Variants in OSBPL10 observed in about 807,000 individuals in gnomAD.
The protein encoded by OSBPL10 is oxysterol binding protein like 10.
Under a neutral mutation model 81.7 loss-of-function variants are expected in OSBPL10, and 49 were observed. That is an observed-to-expected ratio of 0.60 (90% confidence interval 0.48 to 0.76). The LOEUF is 0.76. Ranked by LOEUF, OSBPL10 falls within the 30% of genes least tolerant of loss-of-function variation. The pLI is 0.00. For synonymous variants in OSBPL10, 419 were observed against 383.6 expected (o/e 1.09, Z -1.08); for missense variants, 923 against 987.8 (o/e 0.93, Z 0.88).
chr3:31,872,625 T>C (rs1282344746), intron 3 of OSBPL10, among the ~76,000 whole-genome samples: 1 of 148,876 alleles, frequency 6.7e-6, no homozygotes, highest in Non-Finnish European at 1.5e-5. Context: ...TCAAAAGCTT[T>C]TTTTTTTTTT....
At chr3:31,994,941 ATATTGGT>A (rs1324088113) in intron 2 of OSBPL10, among the ~76,000 whole-genome samples, 3 of 152,206 alleles carry the variant, frequency 2.0e-5, no homozygotes, top group Admixed American at 2.0e-4. Context: ...GTGACATCAC[ATATTGGT>A]AGGACCATGA....
intron 2 of OSBPL10, among the ~76,000 whole-genome samples, chr3:32,000,505 C>T (rs1699134576): frequency 6.6e-6 from 1 of 152,236 alleles, no homozygotes; most frequent in Non-Finnish European, 1.5e-5. Flanking sequence ...GGCCAGCATG[C>T]TGACTCCCAT....
intron 1 of OSBPL10, among the ~76,000 whole-genome samples, chr3:31,935,044 C>A (rs770327048): frequency 2.6e-5 from 4 of 152,120 alleles, no homozygotes; most frequent in African/African-American, 9.7e-5. Flanking sequence ...ATTGCTACAT[C>A]CCCTTCATAC....
At chr3:31,994,647 G>A (rs1346617670) in intron 2 of OSBPL10, among the ~76,000 whole-genome samples, 1 of 152,168 alleles carries the variant, frequency 6.6e-6, no homozygotes, top group Non-Finnish European at 1.5e-5. Context: ...TGACAGTAAT[G>A]TGAGCATTTG....
At chr3:32,001,643 G>A (rs982805083) in intron 2 of OSBPL10, among the ~76,000 whole-genome samples, 1 of 151,968 alleles carries the variant, frequency 6.6e-6, no homozygotes, top group African/African-American at 2.4e-5. Flanking sequence ...AGCAGGAACT[G>A]TTACCATCAG....
chr3:31,894,337 C>A (rs1017694992), intron 1 of OSBPL10, among the ~76,000 whole-genome samples: 4 of 151,998 alleles, frequency 2.6e-5, no homozygotes, highest in Non-Finnish European at 4.4e-5. Context: ...GGCCTGGGAC[C>A]AAGACTTGAG....
At chr3:31,894,199 AGG>A (rs1695989655) in intron 1 of OSBPL10, among the ~76,000 whole-genome samples, 1 of 152,202 alleles carries the variant, frequency 6.6e-6, no homozygotes, top group African/African-American at 2.4e-5. Flanking sequence ...TCTGGAGCCC[AGG>A]AGCGGTCGGA....
In OSBPL10 at chr3:32,063,687, C is replaced by T. The variant is rs1484590344; in HGVS notation, n.185+13709G>A. ...GGTGATTGGATCATGGGGGCAGTTT[C>T]CCCCATGCTGTTTTCATGATAGGGA... is the stretch of plus-strand genomic sequence containing the variant. On this transcript the variant is annotated intron_variant and non_coding_transcript_variant, in intron 1 of 3. Coordinates refer to the OSBPL10 transcript ENST00000479173. Among the ~76,000 whole-genome samples, 2 of 90,992 alleles carry T rather than the reference C, an allele frequency of 2.2e-5. 1 individual carries two copies. Among genetic ancestry groups the T allele is most frequent in the Non-Finnish European group, 5.9e-5 (2 of 34,034 alleles). The allele number at this position is 90,992 out of a possible 152,430, so 59.7% of individuals were successfully genotyped here.
chr3:31,799,379 T>TAAAA (rs61157535), intron 4 of OSBPL10, among the ~76,000 whole-genome samples: 759 of 56,226 alleles, frequency 0.013, 31 homozygotes, highest in African/African-American at 0.043. Flanking sequence ...CCTATCTCTT[T>TAAAA]AAAAAAAAAA....
At chr3:31,826,337 A>G (rs977567916) in intron 4 of OSBPL10, among the ~76,000 whole-genome samples, 2 of 152,232 alleles carry the variant, frequency 1.3e-5, no homozygotes, top group African/African-American at 4.8e-5. Context: ...GCTAGAGAGA[A>G]TATGTCTGTT....
chr3:31,986,831 T>A (rs920616131), intron 2 of OSBPL10, among the ~76,000 whole-genome samples: 6 of 151,748 alleles, frequency 4.0e-5, no homozygotes, highest in African/African-American at 1.5e-4. Context: ...CTGGAGAGAC[T>A]CCATCTCCAA....
Position 31,831,233 on chromosome 3 carries a change from C to G in OSBPL10, c.538-1002G>C, listed in dbSNP as rs550164638. ...ACCAGCCTGACCAACATGGAGAAAC[C>G]CCATCTCTACTAAAAGTACAAAATT... is the stretch of plus-strand genomic sequence containing the variant. On this transcript the variant is annotated intron_variant, in intron 3 of 11. Coordinates refer to ENST00000396556, the MANE Select transcript of OSBPL10 (RefSeq NM_017784.5). Among the ~76,000 whole-genome samples, 14 of 151,986 alleles carry G rather than the reference C, an allele frequency of 9.2e-5. No homozygotes were observed. The East Asian group carries it at 1.5e-3, about 17-fold the overall frequency.
rs1253278547 is a variant in OSBPL10 at position 31,925,016 on chromosome 3, T to C, written c.282-45186A>G. Among the ~76,000 whole-genome samples the C allele has an allele frequency of 3.9e-5, 6 of 152,336 alleles. No individual in the cohort carries two copies. In the East Asian group the frequency reaches 9.6e-4, roughly 24 times the overall value. ...TGAAAATGAATAGAAGTCTCCTTTA[T>C]GCATTTCACAAAGAAACTCAGTTGA... On this transcript the variant is annotated intron_variant, in intron 1 of 11. Transcript: ENST00000396556.
chr3:31,692,750 T>C (rs913519135), intron 7 of OSBPL10, among the ~76,000 whole-genome samples: 14 of 152,208 alleles, frequency 9.2e-5, no homozygotes, highest in African/African-American at 3.4e-4. Context: ...TATTCCATTT[T>C]ACAGATGAGG....
chr3:31,794,389 G>A (rs1371517620), intron 4 of OSBPL10: 2 of 156,264 alleles, frequency 1.3e-5, no homozygotes, highest in Non-Finnish European at 2.9e-5. Flanking sequence ...TGACACCGCA[G>A]GCGATCCACC....
At chr3:32,020,842 G>A (rs1463641157) in intron 2 of OSBPL10, among the ~76,000 whole-genome samples, 5 of 152,172 alleles carry the variant, frequency 3.3e-5, no homozygotes, top group Non-Finnish European at 5.9e-5. Context: ...GTGTTAGTCC[G>A]CTAGGACTGC....
At chr3:31,695,545 T>A (rs1300729601) in intron 7 of OSBPL10, among the ~76,000 whole-genome samples, 3 of 152,124 alleles carry the variant, frequency 2.0e-5, no homozygotes, top group Non-Finnish European at 2.9e-5. Flanking sequence ...CAAGCAACTC[T>A]GCCACTCTCT....
chr3:32,044,010 G>T, intron 2 of OSBPL10, among the ~76,000 whole-genome samples: 1 of 152,064 alleles, frequency 6.6e-6, no homozygotes, highest in East Asian at 1.9e-4. Context: ...TGGGTACTGT[G>T]CTCACTACCT....
chr3:31,662,386 C>A, intron 11 of OSBPL10: 1 of 1,185,156 alleles, frequency 8.4e-7, no homozygotes, highest in Non-Finnish European at 1.0e-6. Flanking sequence ...AGACTGATTA[C>A]TTGGCCAAAA....
Sources: gnomAD v4.1 joint callset for allele counts (sites outside exome capture counted in the v4.1 genomes callset) on GRCh38, gnomAD v4.1.1 for gene constraint, MANE v1.5 for transcripts, NCBI Gene and HGNC (gene_info 2026-07-23, HGNC 2026-07-21) for gene names.